Variants in JAM3 observed in about 807,000 individuals in gnomAD.
JAM3 encodes junctional adhesion molecule 3.
JAM3 carries 31 observed loss-of-function variants against 39.4 expected under a neutral mutation model. The ratio of observed to expected loss-of-function variants is 0.79; its 90% CI spans 0.59 to 1.06. JAM3 has a LOEUF of 1.06. JAM3 is among the 50% of genes least tolerant of loss of function. JAM3 has a pLI of 0.00. For missense variants in JAM3, 455 were observed against 391.4 expected (o/e 1.16, Z -1.37); for synonymous variants, 182 against 148.7 (o/e 1.22, Z -1.63).
intron 1 of JAM3, among the ~76,000 whole-genome samples, chr11:134,078,692 CTTCT>C (rs1219957204): frequency 1.3e-5 from 2 of 152,266 alleles, no homozygotes; most frequent in East Asian, 1.9e-4. Flanking sequence ...GTCACACACC[CTTCT>C]TTAAGTGTTC....
intron 1 of JAM3, among the ~76,000 whole-genome samples, chr11:134,094,955 C>T (rs1287205500): frequency 6.6e-6 from 1 of 152,224 alleles, no homozygotes; most frequent in Admixed American, 6.5e-5. Context: ...AGGCAGCAGT[C>T]TGCTTCCTTC....
intron 4 of JAM3, 119 bp from the exon 5 acceptor site, chr11:134,144,673 G>C: frequency 1.1e-6 from 1 of 947,926 alleles, no homozygotes. Flanking sequence ...CCTGGGAACA[G>C]CAGTGGCGTG....
chr11:134,104,004 G>A (rs1321009419), intron 1 of JAM3, among the ~76,000 whole-genome samples: 10 of 152,088 alleles, frequency 6.6e-5, no homozygotes, highest in Non-Finnish European at 8.8e-5. Flanking sequence ...TGCACCAAGC[G>A]GACATAATAG....
chr11:134,136,986 G>A (rs1174738153), intron 1 of JAM3, among the ~76,000 whole-genome samples: 6 of 151,992 alleles, frequency 3.9e-5, no homozygotes, highest in African/African-American at 4.8e-5. Flanking sequence ...GGTGGTGGGC[G>A]CCTGTAGTCC....
chr11:134,090,789 A>AT (rs1237449584), intron 1 of JAM3, among the ~76,000 whole-genome samples: 1 of 151,126 alleles, frequency 6.6e-6, no homozygotes, highest in Non-Finnish European at 1.5e-5. Flanking sequence ...AGGTAAGATG[A>AT]TTAAAAAAAA....
intron 1 of JAM3, among the ~76,000 whole-genome samples, chr11:134,113,896 G>T (rs1188210780): frequency 6.6e-6 from 1 of 152,222 alleles, no homozygotes; most frequent in Non-Finnish European, 1.5e-5. Context: ...TAACTGGTGT[G>T]AGATGGTATC....
intron 1 of JAM3, among the ~76,000 whole-genome samples, chr11:134,121,821 G>GCGCGCACACA (rs369702081): frequency 0.018 from 2,712 of 148,482 alleles, 87 homozygotes; most frequent in African/African-American, 0.062. Flanking sequence ...GCATGTGTGC[G>GCGCGCACACA]CACACACACA....
chr11:134,096,835 C>T (rs1941993496), intron 1 of JAM3, among the ~76,000 whole-genome samples: 1 of 152,106 alleles, frequency 6.6e-6, no homozygotes, highest in South Asian at 2.1e-4. Flanking sequence ...TATGCTGTAC[C>T]AGTTAATAAA....
intron 1 of JAM3, among the ~76,000 whole-genome samples, chr11:134,107,778 G>C (rs1213901603): frequency 1.3e-5 from 2 of 152,050 alleles, no homozygotes; most frequent in African/African-American, 4.8e-5. Context: ...CAGGAGAATT[G>C]CTTGGTCCCA....
At position 134,140,214 on chromosome 11, in the gene JAM3, C is replaced by T. The variant is rs374090359; in HGVS notation, c.142+298C>T. On this transcript the variant is annotated intron_variant, in intron 2 of 8. Coordinates refer to ENST00000299106, the MANE Select transcript of JAM3 (RefSeq NM_032801.5). ...TGTTGCCCAGGCTGGAGTGTAGTGG[C>T]GCAATCTTGGCTCACTGCAGCCTCT... Among the ~76,000 whole-genome samples, 187 of 152,164 alleles carry T rather than the reference C, an allele frequency of 1.2e-3. 3 individuals carry two copies. In the South Asian group the frequency reaches 0.036, roughly 29 times the overall value.
At chr11:134,136,699 C>T (rs1942870837) in intron 1 of JAM3, among the ~76,000 whole-genome samples, 1 of 152,096 alleles carries the variant, frequency 6.6e-6, no homozygotes, top group African/African-American at 2.4e-5. Flanking sequence ...CTAGGATTGG[C>T]ATAAAAAGCT....
At chr11:134,117,748 T>C (rs1222982956) in intron 1 of JAM3, among the ~76,000 whole-genome samples, 1 of 152,182 alleles carries the variant, frequency 6.6e-6, no homozygotes, top group Non-Finnish European at 1.5e-5. Flanking sequence ...CAATGGTCTT[T>C]GATAGGTGAG....
At chr11:134,088,393 A>G (rs75188426) in intron 1 of JAM3, among the ~76,000 whole-genome samples, 3 of 149,060 alleles carry the variant, frequency 2.0e-5, no homozygotes, top group African/African-American at 7.4e-5. Context: ...CTTGGGCAAC[A>G]TTTTTTTTTT....
rs1942567170 is a variant in JAM3 at position 134,123,100 on chromosome 11, T to C, written c.77-16751T>C. Among the ~76,000 whole-genome samples the C allele has an allele frequency of 2.6e-5, 4 of 152,340 alleles. No individual in the cohort carries two copies. In the South Asian group the frequency reaches 8.3e-4, roughly 32 times the overall value. ...AAAGGCTCTTGGCTACTTTGTCTAG[T>C]ATTAGATAGGGTTTTGAGGAAAAGA... On this transcript the variant is annotated intron_variant, in intron 1 of 8. Transcript: ENST00000299106.
intron 1 of JAM3, among the ~76,000 whole-genome samples, chr11:134,111,382 T>C (rs1396194683): frequency 2.6e-5 from 4 of 152,004 alleles, no homozygotes; most frequent in Non-Finnish European, 5.9e-5. Context: ...GACCTCGTGT[T>C]CCGCCCACCT....
chr11:134,111,078 T>G (rs1352364071), intron 1 of JAM3, among the ~76,000 whole-genome samples: 1 of 149,686 alleles, frequency 6.7e-6, no homozygotes, highest in African/African-American at 2.5e-5. Context: ...TTGTTCTCAC[T>G]CTACCTTTCC....
intron 1 of JAM3, 140 bp downstream of exon 1, chr11:134,069,299 C>A: frequency 8.5e-7 from 1 of 1,173,578 alleles, no homozygotes; most frequent in Non-Finnish European, 1.2e-6. Context: ...GCCGGAGGGG[C>A]GGCGCGCGCC....
intron 1 of JAM3, among the ~76,000 whole-genome samples, chr11:134,084,037 C>CT (rs558915701): frequency 1.5e-3 from 233 of 152,206 alleles, no homozygotes; most frequent in African/African-American, 5.2e-3. Flanking sequence ...GGTCATAAGA[C>CT]TTTAATTCAT....
chr11:134,096,888 CAAATCTAGT>C (rs1423751546), intron 1 of JAM3, among the ~76,000 whole-genome samples: 1 of 152,108 alleles, frequency 6.6e-6, no homozygotes, highest in African/African-American at 2.4e-5. Context: ...CCAAATCTAG[CAAATCTAGT>C]ATCTTTAATT....
Sources: allele counts gnomAD v4.1 joint callset (sites outside exome capture counted in the v4.1 genomes callset), GRCh38; gene constraint gnomAD v4.1.1; transcripts MANE v1.5; gene names NCBI Gene and HGNC (gene_info 2026-07-23, HGNC 2026-07-21).